DDX60L: variants seen among roughly 807,000 people sequenced by gnomAD.
DDX60L encodes the protein probable ATP-dependent RNA helicase DDX60-like.
A neutral mutation model predicts 211.6 loss-of-function variants in DDX60L; 191 were observed. The observed-to-expected ratio is 0.90, with a 90% CI of 0.80 to 1.02. DDX60L has a LOEUF of 1.02. Among genes scored for constraint, DDX60L ranks in the 50% least tolerant of loss-of-function variants. DDX60L has a pLI of 0.00. For synonymous variants in DDX60L, 706 were observed against 694.1 expected (o/e 1.02, Z -0.27); for missense variants, 2,007 against 1,984.1 (o/e 1.01, Z -0.22).
intron 10 of DDX60L, among the ~76,000 whole-genome samples, chr4:168,438,815 C>A (rs1753421226): frequency 6.6e-6 from 1 of 152,166 alleles, no homozygotes; most frequent in Non-Finnish European, 1.5e-5. Flanking sequence ...ACCATGTGAC[C>A]AGTTACAGAA....
intron 1 of DDX60L, among the ~76,000 whole-genome samples, chr4:168,477,269 G>T (rs1759673756): frequency 1.3e-5 from 2 of 152,062 alleles, no homozygotes; most frequent in Non-Finnish European, 2.9e-5. Context: ...CAAAAAATTA[G>T]CCGGGCGTGG....
At chr4:168,449,025 C>A (rs1037075370) in intron 8 of DDX60L, among the ~76,000 whole-genome samples, 5 of 152,130 alleles carry the variant, frequency 3.3e-5, no homozygotes, top group African/African-American at 9.7e-5. Context: ...TACGCTGTTC[C>A]CTTAATGTGG....
chr4:168,382,076 C>T (rs759715835), intron 30 of DDX60L, among the ~76,000 whole-genome samples: 138 of 152,142 alleles, frequency 9.1e-4, no homozygotes, highest in East Asian at 9.7e-4. Context: ...TGGAATCTGA[C>T]GTAACTGGCC....
chr4:168,401,482 C>T (rs1431669810), intron 25 of DDX60L, among the ~76,000 whole-genome samples: 1 of 152,178 alleles, frequency 6.6e-6, no homozygotes, highest in Non-Finnish European at 1.5e-5. Context: ...TGTATAAAAC[C>T]AAGCTGTAGC....
intron 36 of DDX60L, among the ~76,000 whole-genome samples, chr4:168,365,659 C>A (rs1041470287): frequency 9.2e-5 from 14 of 151,998 alleles, no homozygotes; most frequent in African/African-American, 3.4e-4. Flanking sequence ...GGGACTACTT[C>A]CAAATTTTTT....
At chr4:168,466,098 TCATA>T (rs1757958237) in intron 4 of DDX60L, among the ~76,000 whole-genome samples, 1 of 152,046 alleles carries the variant, frequency 6.6e-6, no homozygotes, top group South Asian at 2.1e-4. Flanking sequence ...ATTTTACTGT[TCATA>T]AATAGAAAAT....
intron 9 of DDX60L, among the ~76,000 whole-genome samples, chr4:168,445,661 C>A (rs1458688119): frequency 6.6e-6 from 1 of 151,946 alleles, no homozygotes; most frequent in Non-Finnish European, 1.5e-5. Context: ...TCCAGCAGCA[C>A]ATCCAAAAGC....
At position 168,384,611 on chromosome 4, in the gene DDX60L, C is replaced by T; in HGVS notation, c.4116+1G>A. The T allele has an allele frequency of 1.9e-6, 3 of 1,613,794 alleles. No individual in the cohort carries two copies. The highest frequency in any genetic ancestry group is 2.5e-6 in the Non-Finnish European group (3 of 1,179,914). Reference sequence around the variant, plus strand: ...ACCTCAGGCAGTGTCCAGCACGGTACCTTTGCCTTGGCATCCTCTGGGTCA... The same window carrying T: ...ACCTCAGGCAGTGTCCAGCACGGTATCTTTGCCTTGGCATCCTCTGGGTCA... On this transcript the variant is annotated splice_donor_variant, in intron 30 of 37. Transcript: ENST00000682922. LOFTEE classifies it high-confidence loss of function.
At chr4:168,420,453 T>G in intron 17 of DDX60L, 73 bp from the exon 18 acceptor site, 1 of 1,022,524 alleles carries the variant, frequency 9.8e-7, no homozygotes, top group Admixed American at 2.9e-5. Flanking sequence ...GACAACCGAA[T>G]CCATACACAT....
At chr4:168,439,596 G>A (rs1161122296) in intron 10 of DDX60L, among the ~76,000 whole-genome samples, 1 of 152,068 alleles carries the variant, frequency 6.6e-6, no homozygotes, top group Non-Finnish European at 1.5e-5. Context: ...CTTCCCAAAT[G>A]GGCCTTTGAC....
In DDX60L at chr4:168,441,587, A is replaced by C. The variant is rs919160440; in HGVS notation, c.1139-95T>G. On this transcript the variant is annotated intron_variant, in intron 9 of 37. Transcript: ENST00000682922. ...TTGAATAAATTCATAGAGCTCTGGA[A>C]AGATGATCAAATATGGAAACTTACA... is the stretch of plus-strand genomic sequence containing the variant. The C allele has an allele frequency of 4.9e-6, 5 of 1,028,806 alleles. No homozygotes were observed. In the African/African-American group the frequency reaches 8.0e-5, roughly 16 times the overall value. The allele number at this position is 1,028,806 out of a possible 1,614,324, so 63.7% of individuals were successfully genotyped here. A position where few individuals can be genotyped will look rare whatever the true frequency, so the allele number is the denominator to read the frequency against.
At position 168,422,508 on chromosome 4, in the gene DDX60L, T is replaced by G; in HGVS notation, c.2244+16A>C. On this transcript the variant is annotated intron_variant, in intron 16 of 37. Coordinates refer to ENST00000682922, the MANE Select transcript of DDX60L (RefSeq NM_001012967.3). ...AGTCACACTGATTAGAAAAGTACAA[T>G]GTTTGTTGTCATTACCTGCCATGCG... 1 of 1,602,632 alleles carries G rather than the reference T, an allele frequency of 6.2e-7. No homozygotes were observed. Among genetic ancestry groups the G allele is most frequent in the Non-Finnish European group, 8.5e-7 (1 of 1,175,938 alleles).
chr4:168,453,728 G>A (rs753867225), intron 7 of DDX60L, among the ~76,000 whole-genome samples: 18 of 152,080 alleles, frequency 1.2e-4, no homozygotes, highest in Non-Finnish European at 2.2e-4. Context: ...CACCTCCTGT[G>A]GCAGAGACTT....
In DDX60L at chr4:168,357,979, A is replaced by T; in HGVS notation, c.*168T>A. On this transcript the variant is annotated 3_prime_UTR_variant, in exon 38 of 38. Coordinates refer to ENST00000682922, the MANE Select transcript of DDX60L (RefSeq NM_001012967.3). ...AATGAAGTTAAAGCTCAGATATATT[A>T]CATAACTTAAAGTCATTCAGTTAGA... The T allele has an allele frequency of 1.7e-6, 1 of 580,404 alleles. No homozygotes were observed. Among genetic ancestry groups the T allele is most frequent in the Non-Finnish European group, 2.9e-6 (1 of 341,832 alleles). 36.0% of individuals were successfully genotyped at this position (580,404 alleles called of 1,614,324 possible). A position where few individuals can be genotyped will look rare whatever the true frequency, so the allele number is the denominator to read the frequency against.
chr4:168,363,612 C>T (rs1739454567), intron 36 of DDX60L, among the ~76,000 whole-genome samples: 1 of 152,106 alleles, frequency 6.6e-6, no homozygotes, highest in Admixed American at 6.5e-5. Flanking sequence ...TGACCAAAGT[C>T]AAGTTGTTAT....
At chr4:168,377,842 G>A (rs1742247339) in intron 33 of DDX60L, 1 of 151,890 alleles carries the variant, frequency 6.6e-6, no homozygotes, top group Non-Finnish European at 1.5e-5. Flanking sequence ...TTGTTGTTGT[G>A]TCTTTAAAAA....
intron 22 of DDX60L, among the ~76,000 whole-genome samples, chr4:168,413,274 C>T (rs1748999217): frequency 6.6e-6 from 1 of 151,864 alleles, no homozygotes; most frequent in Non-Finnish European, 1.5e-5. Flanking sequence ...TTTGAGGAAA[C>T]TCAAAAAGCC....
At position 168,457,901 on chromosome 4, in the gene DDX60L, C is replaced by T; in HGVS notation, c.714G>A (p.Met238Ile). The T allele has an allele frequency of 4.6e-6, 7 of 1,526,136 alleles. No individual in the cohort carries two copies. Among genetic ancestry groups the T allele is most frequent in the Non-Finnish European group, 6.2e-6 (7 of 1,132,120 alleles). 94.5% of individuals were successfully genotyped at this position (1,526,136 alleles called of 1,614,324 possible). A position where few individuals can be genotyped will look rare whatever the true frequency, so the allele number is the denominator to read the frequency against. ...THFEHLKWND[M>I]MEEAYQTLFL... ...ATAAAAATTTTAATACCTCTTCCAT[C>T]ATATCATTCCATTTCAAATGTTCAA... Residue 238 changes from methionine to isoleucine, a missense_variant, in exon 6 of 38, where the codon ATG becomes ATA. By Grantham distance (10) the Met-to-Ile change is conservative (BLOSUM62 1). Transcript: ENST00000682922.
chr4:168,392,901 T>G (rs1391739083), intron 28 of DDX60L, among the ~76,000 whole-genome samples: 1 of 152,028 alleles, frequency 6.6e-6, no homozygotes, highest in African/African-American at 2.4e-5. Context: ...AGAATAACAC[T>G]TTTATAACAA....
Sources: gnomAD v4.1 joint callset for allele counts (sites outside exome capture counted in the v4.1 genomes callset) on GRCh38, gnomAD v4.1.1 for gene constraint, MANE v1.5 for transcripts, NCBI Gene and HGNC (gene_info 2026-07-23, HGNC 2026-07-21) for gene names.